Variants in FERMT2 observed in about 807,000 individuals in gnomAD.
The protein encoded by FERMT2 is fermitin family homolog 2.
FERMT2 carries 15 observed loss-of-function variants against 82.7 expected under a neutral mutation model. That is an observed-to-expected ratio of 0.18 (90% CI 0.12 to 0.28). The LOEUF (loss-of-function observed/expected upper bound fraction) is 0.28. Ranked by LOEUF, FERMT2 falls within the 10% of genes least tolerant of loss-of-function variation. The pLI, the probability that FERMT2 is intolerant of heterozygous loss-of-function variation, is 1.00. For missense variants in FERMT2, 645 were observed against 809.4 expected (o/e 0.80, Z 2.46); for synonymous variants, 274 against 271.5 (o/e 1.01, Z -0.09).
At chr14:52,909,396 A>C (rs1888189839) in intron 3 of FERMT2, among the ~76,000 whole-genome samples, 1 of 152,220 alleles carries the variant, frequency 6.6e-6, no homozygotes, top group African/African-American at 2.4e-5. Flanking sequence ...CCTTGAAGAC[A>C]CAACTGAACA....
chr14:52,941,710 T>C (rs1036889818), intron 2 of FERMT2, among the ~76,000 whole-genome samples: 4 of 152,260 alleles, frequency 2.6e-5, no homozygotes, highest in African/African-American at 7.2e-5. Flanking sequence ...ACTGCATACA[T>C]TAGCTTTTTT....
intron 12 of FERMT2, 143 bp from the exon 13 acceptor site, chr14:52,860,608 A>C (rs1884869787): frequency 1.5e-6 from 1 of 686,332 alleles, no homozygotes; most frequent in Admixed American, 3.2e-5. Context: ...CTGAAGCTAC[A>C]TTTGGACACT....
intron 2 of FERMT2, among the ~76,000 whole-genome samples, chr14:52,927,592 T>TTAAAAAAA (rs1889350559): frequency 3.0e-5 from 1 of 33,714 alleles, no homozygotes; most frequent in African/African-American, 1.3e-4. Context: ...CTCATCCCTA[T>TTAAAAAAA]AAAAAAAAAA....
chr14:52,949,064 T>C (rs543320247), intron 2 of FERMT2, among the ~76,000 whole-genome samples: 4 of 152,328 alleles, frequency 2.6e-5, no homozygotes, highest in East Asian at 3.9e-4. Flanking sequence ...GGTTAATCAA[T>C]ACAGCAAAAT....
chr14:52,858,692 G>A (rs751371377), intron 14 of FERMT2, 142 bp from the exon 15 acceptor site: 60 of 668,106 alleles, frequency 9.0e-5, no homozygotes, highest in Middle Eastern at 2.7e-4. Flanking sequence ...AAACCTAAAC[G>A]AATAATGCCT....
chr14:52,931,467 A>G (rs1889564864), intron 2 of FERMT2, among the ~76,000 whole-genome samples: 1 of 152,202 alleles, frequency 6.6e-6, no homozygotes, highest in Non-Finnish European at 1.5e-5. Context: ...AGTCTGGCAG[A>G]AAATTTACCA....
rs867458451 is a variant in FERMT2 at position 52,906,956 on chromosome 14, G to A, written c.391+12167C>T. ...AGGGACATCAATTATTGGGGGGGGG[G>A]GGGGAATTTAGAATTCTTCTCCCAG... On this transcript the variant is annotated intron_variant, in intron 3 of 14. Transcript: ENST00000341590. 7.7e-3 allele frequency among the ~76,000 whole-genome samples: 1,057 copies of A among 137,896 alleles called. 52 individuals are homozygous for A. Among genetic ancestry groups the A allele is most frequent in the African/African-American group, 0.026 (979 of 37,154 alleles). 90.5% of individuals were successfully genotyped at this position (137,896 alleles called of 152,430 possible).
At chr14:52,939,080 T>C (rs1159923012) in intron 2 of FERMT2, among the ~76,000 whole-genome samples, 1 of 150,058 alleles carries the variant, frequency 6.7e-6, no homozygotes, top group Non-Finnish European at 1.5e-5. Context: ...TCTGGCTGGG[T>C]GTGGTGGCTC....
chr14:52,876,997 T>C (rs925098982), intron 7 of FERMT2, among the ~76,000 whole-genome samples: 3 of 152,192 alleles, frequency 2.0e-5, no homozygotes, highest in African/African-American at 7.2e-5. Flanking sequence ...TTAAAACCTG[T>C]GGTCTCTGAG....
intron 2 of FERMT2, among the ~76,000 whole-genome samples, chr14:52,929,621 T>G (rs956428827): frequency 1.3e-5 from 2 of 152,172 alleles, no homozygotes; most frequent in Non-Finnish European, 2.9e-5. Flanking sequence ...CCTGCCGCAG[T>G]GCCCTTGTAC....
intron 10 of FERMT2, 72 bp from the exon 11 acceptor site, chr14:52,864,925 TCATTCTGTGG>T (rs1174579153): frequency 1.4e-4 from 122 of 875,460 alleles, no homozygotes; most frequent in Non-Finnish European, 2.1e-4. Context: ...CAAGCAGCCC[TCATTCTGTGG>T]CATCTTAACA....
intron 10 of FERMT2, among the ~76,000 whole-genome samples, chr14:52,865,734 G>A (rs1328845779): frequency 6.6e-6 from 1 of 152,106 alleles, no homozygotes; most frequent in Non-Finnish European, 1.5e-5. Flanking sequence ...TCTTGGCACA[G>A]AATATAAGAT....
At chr14:52,905,199 A>AG (rs1247222190) in intron 3 of FERMT2, among the ~76,000 whole-genome samples, 1 of 151,714 alleles carries the variant, frequency 6.6e-6, no homozygotes, top group Non-Finnish European at 1.5e-5. Context: ...AAAAAAAAAA[A>AG]AAAAGAAAGA....
At chr14:52,900,219 C>T (rs528623215) in intron 3 of FERMT2, among the ~76,000 whole-genome samples, 1 of 151,684 alleles carries the variant, frequency 6.6e-6, no homozygotes, top group Admixed American at 6.6e-5. Flanking sequence ...TCAGGCAATC[C>T]TCCTGCCTCA....
At chr14:52,894,805 G>C (rs2139553360) in intron 3 of FERMT2, among the ~76,000 whole-genome samples, 1 of 149,270 alleles carries the variant, frequency 6.7e-6, no homozygotes, top group South Asian at 2.1e-4. Context: ...AATGAAACTA[G>C]AAGAAAGCAT....
chr14:52,883,577 C>T (rs1302813538), intron 4 of FERMT2, among the ~76,000 whole-genome samples: 2 of 152,210 alleles, frequency 1.3e-5, no homozygotes, highest in Non-Finnish European at 2.9e-5. Flanking sequence ...CTATCCAAAA[C>T]TGAGTCAAGT....
At chr14:52,923,638 C>A (rs1158503557) in intron 2 of FERMT2, among the ~76,000 whole-genome samples, 1 of 151,630 alleles carries the variant, frequency 6.6e-6, no homozygotes, top group Non-Finnish European at 1.5e-5. Flanking sequence ...CTGCACCCAC[C>A]AAGAGAAGGG....
chr14:52,900,512 TAAAG>T (rs1230079903), intron 3 of FERMT2, among the ~76,000 whole-genome samples: 1 of 151,872 alleles, frequency 6.6e-6, no homozygotes, highest in Non-Finnish European at 1.5e-5. Flanking sequence ...ACGTAAAAAA[TAAAG>T]AAAACATAAA....
chr14:52,912,863 T>A (rs1396959630), intron 3 of FERMT2, among the ~76,000 whole-genome samples: 1 of 152,226 alleles, frequency 6.6e-6, no homozygotes, highest in Non-Finnish European at 1.5e-5. Context: ...GATCCTTATT[T>A]CTTTATTCCA....
Sources: allele counts gnomAD v4.1 joint callset (sites outside exome capture counted in the v4.1 genomes callset), GRCh38; gene constraint gnomAD v4.1.1; transcripts MANE v1.5; gene names NCBI Gene and HGNC (gene_info 2026-07-23, HGNC 2026-07-21).